SRGAP3: variants seen among roughly 807,000 people sequenced by gnomAD.
SRGAP3 encodes the protein SLIT-ROBO Rho GTPase activating protein 3.
In SRGAP3, 39 loss-of-function variants were observed where a neutral mutation model predicts 121.1. The observed-to-expected ratio is 0.32, with a 90% CI of 0.25 to 0.42. SRGAP3 has a LOEUF of 0.42. SRGAP3 is among the 10% of genes least tolerant of loss of function. SRGAP3 has a pLI of 1.00. For synonymous variants in SRGAP3, 601 were observed against 570.0 expected, an observed-to-expected ratio of 1.05 and a Z score of -0.77; for missense variants, 1,213 against 1,470.6, an observed-to-expected ratio of 0.82 and a Z score of 2.86.
chr3:9,308,950 T>G (rs895446301), intron 3 of SRGAP3, among the ~76,000 whole-genome samples: 2 of 152,184 alleles, frequency 1.3e-5, no homozygotes, highest in African/African-American at 4.8e-5. Flanking sequence ...CCAGGCATCC[T>G]GATATTCACA....
At chr3:9,304,982 A>C (rs1268106349) in intron 3 of SRGAP3, among the ~76,000 whole-genome samples, 1 of 152,124 alleles carries the variant, frequency 6.6e-6, no homozygotes, top group Non-Finnish European at 1.5e-5. Context: ...TCCTCACAAC[A>C]ACCTTCAGAG....
intron 1 of SRGAP3, among the ~76,000 whole-genome samples, chr3:9,179,119 T>C (rs1951287012): frequency 6.6e-6 from 1 of 152,184 alleles, no homozygotes; most frequent in African/African-American, 2.4e-5. Context: ...GGACACCATC[T>C]CTTCTTGATG....
chr3:9,070,460 C>T (rs979329207), intron 4 of SRGAP3, among the ~76,000 whole-genome samples: 1 of 152,222 alleles, frequency 6.6e-6, no homozygotes, highest in Admixed American at 6.5e-5. Flanking sequence ...ATTCTCTGTA[C>T]CAGAGCAGAG....
At chr3:9,193,585 G>A (rs1413357544) in intron 1 of SRGAP3, 1 of 152,350 alleles carries the variant, frequency 6.6e-6, no homozygotes, top group African/African-American at 2.4e-5. Context: ...CAGACCCTGG[G>A]GAGGTGGGAC....
intron 1 of SRGAP3, among the ~76,000 whole-genome samples, chr3:9,237,349 G>T (rs1378039752): frequency 6.6e-6 from 1 of 152,142 alleles, no homozygotes; most frequent in Non-Finnish European, 1.5e-5. Context: ...CAGGAATGCT[G>T]CTAAACATCC....
chr3:9,136,260 G>C (rs114255448), intron 1 of SRGAP3, among the ~76,000 whole-genome samples: 1 of 152,192 alleles, frequency 6.6e-6, no homozygotes, highest in Non-Finnish European at 1.5e-5. Flanking sequence ...CTAGCCTCCT[G>C]TACACCGAGA....
chr3:9,064,724 T>C, intron 4 of SRGAP3, 143 bp from the exon 5 acceptor site: 1 of 854,978 alleles, frequency 1.2e-6, no homozygotes, highest in Non-Finnish European at 1.8e-6. Context: ...CCTGCCTTCC[T>C]TTACTTTTGC....
chr3:8,985,238 T>TCTCG lies in SRGAP3; in HGVS notation c.*280_*281insCGAG. On this transcript the variant is annotated 3_prime_UTR_variant, in exon 22 of 22. Transcript: ENST00000383836. The surrounding 1 kb of genome is among the most constrained non-coding windows in gnomAD (Gnocchi z 5.1). ...CAGTGACGATATGCGGGAGAAGCCA[T>TCTCG]GTGGTATTTTGCCTCCATGTTAGGG... 11 of 516,692 alleles carry TCTCG rather than the reference T, an allele frequency of 2.1e-5. No homozygotes were observed. The highest frequency in any genetic ancestry group is 2.4e-5 in the South Asian group (1 of 41,878). The allele number at this position is 516,692 out of a possible 1,614,324, so 32.0% of individuals were successfully genotyped here. A position where few individuals can be genotyped will look rare whatever the true frequency, so the allele number is the denominator to read the frequency against.
chr3:9,023,688 G>T (rs1156548664), intron 14 of SRGAP3, among the ~76,000 whole-genome samples: 3 of 152,162 alleles, frequency 2.0e-5, no homozygotes, highest in South Asian at 2.1e-4. Context: ...CCAGGCCCTT[G>T]TCCATTACCT....
chr3:9,353,455 C>T (rs906312364), intron 1 of SRGAP3, among the ~76,000 whole-genome samples: 6 of 152,190 alleles, frequency 3.9e-5, no homozygotes, highest in African/African-American at 1.2e-4. Flanking sequence ...GCTTTTAAAT[C>T]AACTTACTTA....
intron 9 of SRGAP3, among the ~76,000 whole-genome samples, chr3:9,051,866 C>T (rs1945595592): frequency 6.6e-6 from 1 of 152,048 alleles, no homozygotes; most frequent in Admixed American, 6.5e-5. Flanking sequence ...GTGCACGCCA[C>T]CACACCCAGC....
At chr3:9,144,330 C>T (rs75549110) in intron 1 of SRGAP3, among the ~76,000 whole-genome samples, 362 of 152,370 alleles carry the variant, frequency 2.4e-3, no homozygotes, top group African/African-American at 8.2e-3. Context: ...TTTCAGTCCC[C>T]TAGCCTTCTC....
At chr3:9,058,177 A>C in intron 7 of SRGAP3, 74 bp downstream of exon 7, 1 of 1,501,876 alleles carries the variant, frequency 6.7e-7, no homozygotes, top group South Asian at 1.1e-5. Flanking sequence ...ACGTGCAACC[A>C]GGGATGATGT....
chr3:9,252,480 A>G (rs900220398), upstream of SRGAP3, among the ~76,000 whole-genome samples: 1 of 114,992 alleles, frequency 8.7e-6, no homozygotes, highest in African/African-American at 4.1e-5. Context: ...AAAATGGACT[A>G]ATACAGGGCC....
At chr3:9,318,641 G>A (rs999583345) in intron 3 of SRGAP3, among the ~76,000 whole-genome samples, 5 of 151,132 alleles carry the variant, frequency 3.3e-5, no homozygotes, top group Non-Finnish European at 7.4e-5. Context: ...TTGAGAGGCT[G>A]AGGCAGAGGA....
intron 1 of SRGAP3, among the ~76,000 whole-genome samples, chr3:9,185,768 C>T (rs1185385136): frequency 6.6e-6 from 1 of 151,936 alleles, no homozygotes; most frequent in Non-Finnish European, 1.5e-5. Context: ...AACTCCTGGG[C>T]GTAAGTGATC....
upstream of SRGAP3, among the ~76,000 whole-genome samples, chr3:9,250,204 C>T (rs1953973957): frequency 6.6e-6 from 1 of 152,172 alleles, no homozygotes; most frequent in Non-Finnish European, 1.5e-5. Context: ...AATCAGCTCT[C>T]TTTGGAGGCT....
chr3:9,131,934 T>TTAG (rs1374367368), intron 1 of SRGAP3, among the ~76,000 whole-genome samples: 1 of 152,098 alleles, frequency 6.6e-6, no homozygotes, highest in Non-Finnish European at 1.5e-5. Context: ...GCAACAGTCT[T>TTAG]ACTAAAGATC....
intron 2 of SRGAP3, among the ~76,000 whole-genome samples, chr3:9,123,322 A>G (rs1363903498): frequency 6.6e-6 from 1 of 152,148 alleles, no homozygotes. Context: ...TCATTTAAAA[A>G]TGATGAAAAT....
Sources: gnomAD v4.1 joint callset for allele counts (sites outside exome capture counted in the v4.1 genomes callset) on GRCh38, gnomAD v4.1.1 for gene constraint, Gnocchi (gnomAD v3.1) non-coding constraint, MANE v1.5 for transcripts, NCBI Gene and HGNC (gene_info 2026-07-23, HGNC 2026-07-21) for gene names.